The following FARS2 variants were observed in gnomAD, a reference collection of about 807,000 sequenced individuals.
FARS2 encodes phenylalanine--tRNA ligase, mitochondrial.
In FARS2, 40 loss-of-function variants were observed where a neutral mutation model predicts 46.4. The ratio of observed to expected loss-of-function variants is 0.86; its 90% CI spans 0.67 to 1.12. The LOEUF (loss-of-function observed/expected upper bound fraction) is 1.12. Ranked by LOEUF, FARS2 falls within the 50% of genes most tolerant of loss-of-function variation. FARS2 has a pLI of 0.00. For missense variants in FARS2, 513 were observed against 567.9 expected (o/e 0.90, Z 0.98); for synonymous variants, 234 against 214.9 (o/e 1.09, Z -0.78).
At chr6:5,680,584 T>G (rs1034533043) in intron 6 of FARS2, among the ~76,000 whole-genome samples, 2 of 152,252 alleles carry the variant, frequency 1.3e-5, no homozygotes, top group Non-Finnish European at 2.9e-5. Flanking sequence ...AGATGGTTTA[T>G]TGTTACCTTT....
intron 2 of FARS2, among the ~76,000 whole-genome samples, chr6:5,377,758 C>T (rs1401460124): frequency 2.0e-5 from 3 of 152,152 alleles, no homozygotes; most frequent in Non-Finnish European, 4.4e-5. Flanking sequence ...GAGCTCTCCT[C>T]TGTTCTAGGA....
intron 1 of FARS2, among the ~76,000 whole-genome samples, chr6:5,322,923 G>T (rs2753254): frequency 0.38 from 58,252 of 151,926 alleles, 11,347 homozygotes; most frequent in African/African-American, 0.4. Context: ...TGATCAATGC[G>T]TGGATTCTTC....
intron 1 of FARS2, among the ~76,000 whole-genome samples, chr6:5,264,174 G>T (rs761910160): frequency 6.6e-6 from 1 of 152,158 alleles, no homozygotes; most frequent in Non-Finnish European, 1.5e-5. Flanking sequence ...TTGAGCCCTG[G>T]AGGTTGAGGC....
intron 1 of FARS2, among the ~76,000 whole-genome samples, chr6:5,353,771 TTAGA>T (rs1757739117): frequency 6.9e-6 from 1 of 144,032 alleles, no homozygotes; most frequent in Non-Finnish European, 1.5e-5. Flanking sequence ...TTTGAGCTTC[TTAGA>T]TATTCTGAAT....
chr6:5,501,742 G>T (rs1458673887), intron 4 of FARS2, among the ~76,000 whole-genome samples: 2 of 152,144 alleles, frequency 1.3e-5, no homozygotes, highest in African/African-American at 4.8e-5. Context: ...TGGTCCGCCC[G>T]CCTCAGCCTC....
intron 6 of FARS2, among the ~76,000 whole-genome samples, chr6:5,627,016 C>T (rs1582620792): frequency 6.6e-6 from 1 of 152,312 alleles, no homozygotes; most frequent in East Asian, 1.9e-4. Flanking sequence ...TCTAAACATA[C>T]TTCATAAAAG....
intron 6 of FARS2, among the ~76,000 whole-genome samples, chr6:5,716,177 A>G (rs1319310598): frequency 6.6e-6 from 1 of 152,232 alleles, no homozygotes; most frequent in Non-Finnish European, 1.5e-5. Flanking sequence ...GGATAAAGAC[A>G]CTTTTAAAGA....
chr6:5,483,542 C>T (rs1441727049), intron 4 of FARS2, among the ~76,000 whole-genome samples: 1 of 152,120 alleles, frequency 6.6e-6, no homozygotes, highest in African/African-American at 2.4e-5. Flanking sequence ...TTGTACATAC[C>T]TGTAGTCCCA....
chr6:5,285,757 CTG>C (rs1322490342), intron 1 of FARS2, among the ~76,000 whole-genome samples: 2 of 152,234 alleles, frequency 1.3e-5, no homozygotes, highest in African/African-American at 4.8e-5. Context: ...GATGTTATCT[CTG>C]TGGGTAGTAA....
chr6:5,570,173 C>A (rs1392567115), intron 5 of FARS2, among the ~76,000 whole-genome samples: 1 of 152,060 alleles, frequency 6.6e-6, no homozygotes, highest in Non-Finnish European at 1.5e-5. Context: ...CTTCCTTGAC[C>A]AAGGACTGAA....
chr6:5,302,757 G>C lies in FARS2; in HGVS notation c.-22+41097G>C, dbSNP rs541004408. Among the ~76,000 whole-genome samples the C allele has an allele frequency of 5.3e-5, 8 of 152,284 alleles. No individual in the cohort carries two copies. The South Asian group carries it at 1.7e-3, about 32-fold the overall frequency. Reference sequence around the variant, plus strand: ...GGGGCTATAACTGTTGGCAGGGAGAGTCGGCTCACGGTGCAGAAATGAGAG... The same window carrying C: ...GGGGCTATAACTGTTGGCAGGGAGACTCGGCTCACGGTGCAGAAATGAGAG... On this transcript the variant is annotated intron_variant, in intron 1 of 6. Transcript: ENST00000274680.
intron 2 of FARS2, among the ~76,000 whole-genome samples, chr6:5,376,744 AC>A (rs1261161808): frequency 6.6e-6 from 1 of 152,190 alleles, no homozygotes; most frequent in Non-Finnish European, 1.5e-5. Flanking sequence ...GCACCCAATA[AC>A]AAAAACATGC....
intron 5 of FARS2, among the ~76,000 whole-genome samples, chr6:5,556,448 G>C (rs543159869): frequency 1.3e-4 from 19 of 151,852 alleles, no homozygotes; most frequent in African/African-American, 4.6e-4. Context: ...TCCATCTTCA[G>C]CTTGCTTTGC....
chr6:5,472,300 C>G (rs1002441060), intron 4 of FARS2, among the ~76,000 whole-genome samples: 1 of 152,132 alleles, frequency 6.6e-6, no homozygotes, highest in Non-Finnish European at 1.5e-5. Context: ...AACAATTAGT[C>G]ATGGATCGCT....
At chr6:5,601,218 A>C (rs952378740) in intron 5 of FARS2, among the ~76,000 whole-genome samples, 17 of 151,974 alleles carry the variant, frequency 1.1e-4, no homozygotes, top group African/African-American at 3.9e-4. Context: ...CAGAGCCCTT[A>C]GTTTTAAATG....
Position 5,333,685 on chromosome 6 carries a change from C to G in FARS2, c.-21-34865C>G, listed in dbSNP as rs141749743. Among the ~76,000 whole-genome samples, 340 of 152,278 alleles carry G rather than the reference C, an allele frequency of 2.2e-3. 1 individual carries two copies. Among genetic ancestry groups the G allele is most frequent in the African/African-American group, 7.8e-3 (326 of 41,570 alleles). On this transcript the variant is annotated intron_variant, in intron 1 of 6. Transcript: ENST00000274680. ...GCTGAGTATAATTGAGTTTCCTACA[C>G]TTTAAAAACTGTACTCCGGCCACTG...
chr6:5,424,325 T>G (rs1211748740), intron 3 of FARS2, among the ~76,000 whole-genome samples: 3 of 152,226 alleles, frequency 2.0e-5, no homozygotes, highest in Non-Finnish European at 4.4e-5. Context: ...GCATTTACTC[T>G]TCAACTCAAC....
At chr6:5,492,039 A>AGAAAGGAG (rs1767152018) in intron 4 of FARS2, among the ~76,000 whole-genome samples, 1 of 152,216 alleles carries the variant, frequency 6.6e-6, no homozygotes, top group Non-Finnish European at 1.5e-5. Flanking sequence ...AATGTGCAAA[A>AGAAAGGAG]GAACTACCGT....
intron 4 of FARS2, among the ~76,000 whole-genome samples, chr6:5,487,950 G>T (rs1766876942): frequency 6.6e-6 from 1 of 152,196 alleles, no homozygotes; most frequent in Admixed American, 6.5e-5. Flanking sequence ...ATCCTGTGTT[G>T]TAGGGGCATG....
Sources: allele counts gnomAD v4.1 joint callset (sites outside exome capture counted in the v4.1 genomes callset), GRCh38; gene constraint gnomAD v4.1.1; transcripts MANE v1.5; gene names NCBI Gene and HGNC (gene_info 2026-07-23, HGNC 2026-07-21).